The following PTPRM variants were observed in gnomAD, a reference collection of about 807,000 sequenced individuals.
The protein encoded by PTPRM is receptor-type tyrosine-protein phosphatase mu.
A neutral mutation model predicts 186.7 loss-of-function variants in PTPRM; 47 were observed. That is an observed-to-expected ratio of 0.25 (90% CI 0.20 to 0.32). PTPRM has a LOEUF of 0.32. Ranked by LOEUF, PTPRM falls within the 10% of genes least tolerant of loss-of-function variation. PTPRM has a pLI of 1.00. For missense variants in PTPRM, 1,494 were observed against 1,865.0 expected, an observed-to-expected ratio of 0.80 and a Z score of 3.66; for synonymous variants, 668 against 674.9, an observed-to-expected ratio of 0.99 and a Z score of 0.16.
At chr18:7,767,725 AAG>A (rs1221906738) in intron 1 of PTPRM, among the ~76,000 whole-genome samples, 2 of 152,234 alleles carry the variant, frequency 1.3e-5, no homozygotes, top group African/African-American at 4.8e-5. Context: ...AAAAAAAAGA[AAG>A]AGAATTCAAC....
intron 19 of PTPRM, among the ~76,000 whole-genome samples, chr18:8,260,136 G>A (rs527653164): frequency 1.3e-5 from 2 of 152,102 alleles, no homozygotes; most frequent in Admixed American, 6.6e-5. Context: ...AAGTGGACAC[G>A]AGCAGTGAGA....
chr18:7,735,969 G>A (rs917894513), intron 1 of PTPRM, among the ~76,000 whole-genome samples: 4 of 151,694 alleles, frequency 2.6e-5, no homozygotes, highest in Admixed American at 2.0e-4. Context: ...CCCCACCCTG[G>A]CCAAAATATG....
At chr18:7,957,187 T>TA (rs1423569194) in intron 7 of PTPRM, among the ~76,000 whole-genome samples, 7 of 151,760 alleles carry the variant, frequency 4.6e-5, no homozygotes, top group Admixed American at 3.9e-4. Context: ...TTTTTTTTTT[T>TA]ACACATTTTT....
chr18:7,974,488 C>G (rs9955279), intron 7 of PTPRM, among the ~76,000 whole-genome samples: 16,151 of 152,134 alleles, frequency 0.11, 2,048 homozygotes, highest in African/African-American at 0.31. Context: ...GGTTTTAATC[C>G]GGACGTTTTG....
In PTPRM at chr18:8,117,944, A is replaced by G. The variant is rs115556391; in HGVS notation, c.2167+3117A>G. 1.0e-3 allele frequency among the ~76,000 whole-genome samples: 154 copies of G among 152,294 alleles called. 1 individual carries two copies. The highest frequency in any genetic ancestry group is 3.3e-3 in the African/African-American group (139 of 41,564). On this transcript the variant is annotated intron_variant, in intron 13 of 32. Coordinates refer to ENST00000580170, the MANE Select transcript of PTPRM (RefSeq NM_001105244.2). ...GATTTTTTTATGACCATTTGGTCCA[A>G]CTGTGTTTTAGTGATTAGTGTATGT...
At chr18:7,675,156 G>A (rs1055899773) in intron 1 of PTPRM, among the ~76,000 whole-genome samples, 4 of 152,184 alleles carry the variant, frequency 2.6e-5, no homozygotes, top group African/African-American at 4.8e-5. Context: ...ATCCTGCTTC[G>A]TAAATATTAC....
rs16952991 is a variant in PTPRM, at chr18:8,176,641, G to A, written c.2300+32862G>A. Among the ~76,000 whole-genome samples the A allele has an allele frequency of 5.8e-3, 877 of 152,282 alleles. 3 individuals are homozygous for A. The highest frequency in any genetic ancestry group is 0.02 in the African/African-American group (836 of 41,562). On this transcript the variant is annotated intron_variant, in intron 14 of 32. Coordinates refer to ENST00000580170, the MANE Select transcript of PTPRM (RefSeq NM_001105244.2). Reference sequence around the variant, plus strand: ...TGGCAATTTATGATGTATTTTGATCGTCCACATGACTTGCAGGAGAGTCTG... The same window carrying A: ...TGGCAATTTATGATGTATTTTGATCATCCACATGACTTGCAGGAGAGTCTG...
At chr18:8,123,170 A>G (rs989521214) in intron 13 of PTPRM, among the ~76,000 whole-genome samples, 2 of 152,224 alleles carry the variant, frequency 1.3e-5, no homozygotes, top group African/African-American at 4.8e-5. Flanking sequence ...AAGGCAAGTC[A>G]TTGTCAAGAT....
intron 1 of PTPRM, among the ~76,000 whole-genome samples, chr18:7,695,856 A>G (rs2039831850): frequency 6.6e-6 from 1 of 152,184 alleles, no homozygotes; most frequent in Non-Finnish European, 1.5e-5. Flanking sequence ...GAATACTGAC[A>G]TTGTTCTCAT....
At chr18:8,137,310 G>T (rs961964150) in intron 13 of PTPRM, among the ~76,000 whole-genome samples, 1 of 152,046 alleles carries the variant, frequency 6.6e-6, no homozygotes, top group Non-Finnish European at 1.5e-5. Context: ...TTGTTGCTCA[G>T]GTTCAATTCA....
chr18:7,743,035 G>A (rs77660507), intron 1 of PTPRM, among the ~76,000 whole-genome samples: 3,950 of 152,262 alleles, frequency 0.026, 70 homozygotes, highest in Non-Finnish European at 0.037. Context: ...AGAAAGAGGG[G>A]CCAAACATGC....
intron 8 of PTPRM, among the ~76,000 whole-genome samples, chr18:8,071,271 C>T (rs1284347065): frequency 6.6e-6 from 1 of 152,196 alleles, no homozygotes; most frequent in East Asian, 1.9e-4. Context: ...TGGCTCCTTC[C>T]TGCCTTACAT....
chr18:7,890,051 G>A (rs1484144377), intron 3 of PTPRM, among the ~76,000 whole-genome samples: 1 of 152,230 alleles, frequency 6.6e-6, no homozygotes, highest in Admixed American at 6.5e-5. Flanking sequence ...TAGGATCAAA[G>A]TGGGAAATTA....
intron 1 of PTPRM, among the ~76,000 whole-genome samples, chr18:7,713,475 A>T (rs868345996): frequency 3.3e-5 from 5 of 152,130 alleles, no homozygotes; most frequent in African/African-American, 1.2e-4. Context: ...CGGGCAAAAT[A>T]ACACAGCTAG....
chr18:8,334,493 C>T (rs1038652916), intron 22 of PTPRM, among the ~76,000 whole-genome samples: 1 of 152,238 alleles, frequency 6.6e-6, no homozygotes, highest in Non-Finnish European at 1.5e-5. Context: ...CAGGCTCTCC[C>T]TGTGCTGAGC....
At chr18:7,769,435 A>G (rs2042171146) in intron 1 of PTPRM, among the ~76,000 whole-genome samples, 1 of 152,160 alleles carries the variant, frequency 6.6e-6, no homozygotes, top group African/African-American at 2.4e-5. Flanking sequence ...AGTCTCTATT[A>G]TCAGATTTAT....
intron 23 of PTPRM, chr18:8,365,120 T>C (rs891366728): frequency 6.6e-6 from 1 of 152,224 alleles, no homozygotes; most frequent in African/African-American, 2.4e-5. Flanking sequence ...TTGTTTCTGT[T>C]CCAGAGGCCA....
intron 14 of PTPRM, among the ~76,000 whole-genome samples, chr18:8,185,360 C>T (rs1273388376): frequency 6.6e-6 from 1 of 152,168 alleles, no homozygotes; most frequent in Admixed American, 6.5e-5. Context: ...CCAGGAGGCA[C>T]CGCATGATCT....
At chr18:7,573,440 C>T (rs1324127802) in intron 1 of PTPRM, among the ~76,000 whole-genome samples, 1 of 152,108 alleles carries the variant, frequency 6.6e-6, no homozygotes, top group African/African-American at 2.4e-5. Context: ...CTGGAGGCCT[C>T]CTTTCAAAGG....
Sources: allele counts gnomAD v4.1 joint callset (sites outside exome capture counted in the v4.1 genomes callset), GRCh38; gene constraint gnomAD v4.1.1; transcripts MANE v1.5; gene names NCBI Gene and HGNC (gene_info 2026-07-23, HGNC 2026-07-21).